SIRT3: variants seen among roughly 807,000 people sequenced by gnomAD.
SIRT3 encodes sirtuin 3.
SIRT3 carries 26 observed loss-of-function variants against 33.5 expected under a neutral mutation model. That is an observed-to-expected ratio of 0.78 (90% CI 0.57 to 1.08). The LOEUF (loss-of-function observed/expected upper bound fraction) is 1.08, where lower values mean the gene tolerates loss of function less well. SIRT3 is among the 50% of genes least tolerant of loss of function. SIRT3 has a pLI of 0.00. For missense variants in SIRT3, 585 were observed against 530.1 expected (o/e 1.10, Z -1.02); for synonymous variants, 237 against 222.1 (o/e 1.07, Z -0.60).
intron 5 of SIRT3, among the ~76,000 whole-genome samples, chr11:220,265 G>A (rs1278127545): frequency 4.0e-5 from 6 of 148,896 alleles, no homozygotes; most frequent in African/African-American, 1.2e-4. Context: ...GGGAGGTGGA[G>A]GTTGCAGTGA....
chr11:226,900 T>G (rs1444723045), intron 4 of SIRT3, among the ~76,000 whole-genome samples: 1 of 150,930 alleles, frequency 6.6e-6, no homozygotes, highest in African/African-American at 2.4e-5. Context: ...ATTATAGGCA[T>G]GCACCATCAC....
chr11:227,920 T>G (rs1397280379), intron 4 of SIRT3, among the ~76,000 whole-genome samples: 1 of 152,076 alleles, frequency 6.6e-6, no homozygotes, highest in African/African-American at 2.4e-5. Flanking sequence ...CTGTGCCCAG[T>G]CCCAAATAAT....
chr11:232,628 C>A (rs1485844874), intron 3 of SIRT3, among the ~76,000 whole-genome samples: 1 of 151,898 alleles, frequency 6.6e-6, no homozygotes, highest in African/African-American at 2.4e-5. Flanking sequence ...TTTGTGTGTG[C>A]TCAAAAAAAT....
rs202141195 is a variant in SIRT3, at chr11:224,180, G to A, written c.867C>T (p.Pro289=). The change falls in exon 5 of 7, where the codon CCC becomes CCT. Residue 289 remains proline (P), a synonymous_variant. Coordinates refer to ENST00000382743, the MANE Select transcript of SIRT3 (RefSeq NM_012239.6). ...RCPVCTGVVK[P]DIVFFGEPLP... ...GCGGCTCCCCAAAGAACACAATGTCGGGCTTCACAACGCCGGTGCAGACCG... is the reference window on the plus strand; with the variant it reads ...GCGGCTCCCCAAAGAACACAATGTCAGGCTTCACAACGCCGGTGCAGACCG... 28 of 1,614,064 alleles carry A rather than the reference G, an allele frequency of 1.7e-5. No individual in the cohort carries two copies. Among genetic ancestry groups the A allele is most frequent in the Admixed American group, 3.3e-5 (2 of 60,008 alleles).
At chr11:233,584 A>G (rs200028460) in intron 1 of SIRT3, 50 bp from the exon 2 acceptor site, 48 of 1,581,060 alleles carry the variant, frequency 3.0e-5, no homozygotes, top group Non-Finnish European at 5.2e-6. Context: ...AACCAATCTC[A>G]GGATAGCAAG....
chr11:227,916 C>T (rs1029553435), intron 4 of SIRT3, among the ~76,000 whole-genome samples: 3 of 152,186 alleles, frequency 2.0e-5, no homozygotes, highest in Admixed American at 6.5e-5. Flanking sequence ...GCCACTGTGC[C>T]CAGTCCCAAA....
intron 6 of SIRT3, 142 bp downstream of exon 6, chr11:218,689 CA>C: frequency 6.9e-7 from 1 of 1,443,392 alleles, no homozygotes; most frequent in Non-Finnish European, 9.3e-7. Context: ...CAGTCAGGTC[CA>C]GGTAGTGCCT....
At chr11:217,009 G>T (rs1482457534) in intron 6 of SIRT3, among the ~76,000 whole-genome samples, 1 of 152,170 alleles carries the variant, frequency 6.6e-6, no homozygotes, top group African/African-American at 2.4e-5. Context: ...TAACCCCTTG[G>T]ATAGTAATGC....
At position 232,072 on chromosome 11, in the gene SIRT3, C is replaced by T. The variant is rs955352256; in HGVS notation, c.706+911G>A. Among the ~76,000 whole-genome samples the T allele has an allele frequency of 5.3e-5, 8 of 152,058 alleles. No homozygotes were observed. In the East Asian group the frequency reaches 1.5e-3, roughly 29 times the overall value. On this transcript the variant is annotated intron_variant, in intron 3 of 6. Transcript: ENST00000382743. ...TATTAAGGAATTACTAGTGATTCTT[C>T]AGTGTGAATCACTATCAGAGTTGTT...
At position 218,897 on chromosome 11, in the gene SIRT3, T is replaced by G; in HGVS notation, c.1114A>C (p.Ser372Arg). ...GTCCAGCCCAGAAGCTCCACTAGGC[T>G]TTCCACGCCGTGAACCACGTCCCCC... ...QLGDVVHGVE[S>R]LVELLGWTEE... Residue 372 changes from serine (S) to arginine (R), a missense_variant, in exon 6 of 7, where the codon AGC becomes CGC. By Grantham distance (110) the Ser-to-Arg change is moderately radical. Coordinates refer to ENST00000382743, the MANE Select transcript of SIRT3 (RefSeq NM_012239.6). 1 of 1,614,156 alleles carries G rather than the reference T, an allele frequency of 6.2e-7. No individual in the cohort carries two copies. Among genetic ancestry groups the G allele is most frequent in the Non-Finnish European group, 8.5e-7 (1 of 1,180,030 alleles).
rs1406415646 is a variant in SIRT3, at chr11:236,284, C to A, written c.45G>T (p.Trp15Cys). The A allele has an allele frequency of 5.9e-6, 9 of 1,536,830 alleles. No individual in the cohort carries two copies. The highest frequency in any genetic ancestry group is 7.0e-6 in the Non-Finnish European group (8 of 1,147,820). ...CCTCGACCCGTTCAACTACCCGGCC[C>A]CACAGCCGGAGGGCTGCCGCGGCGC... ...GWRAAAALRL[W>C]GRVVERVEAG... Residue 15 changes from tryptophan to cysteine, a missense_variant, in exon 1 of 7, where the codon TGG (tryptophan) becomes TGT (cysteine). Trp to Cys is a radical substitution (Grantham distance 215). Transcript: ENST00000382743.
intron 5 of SIRT3, among the ~76,000 whole-genome samples, chr11:219,747 C>A (rs1856170895): frequency 6.6e-6 from 1 of 152,012 alleles, no homozygotes; most frequent in Non-Finnish European, 1.5e-5. Context: ...CAAAACAGTT[C>A]TTGAAGAAAA....
chr11:219,186 A>C, intron 5 of SIRT3, 145 bp from the exon 6 acceptor site: 600 of 1,047,200 alleles, frequency 5.7e-4, no homozygotes, highest in Non-Finnish European at 7.4e-4. Flanking sequence ...CACCAATCTC[A>C]TTTCTTCAGC....
chr11:216,990 T>C (rs1445068017), intron 6 of SIRT3, among the ~76,000 whole-genome samples: 1 of 152,222 alleles, frequency 6.6e-6, no homozygotes, highest in Non-Finnish European at 1.5e-5. Flanking sequence ...CATTCACTAT[T>C]TGGAAAAGTA....
chr11:232,718 C>T (rs183795820), intron 3 of SIRT3, among the ~76,000 whole-genome samples: 12 of 152,214 alleles, frequency 7.9e-5, no homozygotes, highest in Non-Finnish European at 1.6e-4. Context: ...AACTTCTGCC[C>T]AAAATACACA....
chr11:229,192 G>T (rs138696216), intron 4 of SIRT3, among the ~76,000 whole-genome samples: 13 of 149,432 alleles, frequency 8.7e-5, no homozygotes, highest in Middle Eastern at 3.5e-3. Context: ...AGTGGCTCTC[G>T]CCTGTAATCC....
At position 233,363 on chromosome 11, in the gene SIRT3, G is replaced by C; in HGVS notation, c.453C>G (p.Pro151=). 1 of 1,613,894 alleles carries C rather than the reference G, an allele frequency of 6.2e-7. No individual in the cohort carries two copies. The highest frequency in any genetic ancestry group is 1.1e-5 in the South Asian group (1 of 91,056). ...AGTACCTGAAGTCTGGAATGCCACT[G>C]GGTGTGCTGATGCCGGCCCCCACCA... ...VVMVGAGIST[P]SGIPDFRSPG... Residue 151 remains proline (P), a synonymous_variant, in exon 2 of 7, where the codon CCC becomes CCG. Transcript: ENST00000382743.
intron 4 of SIRT3, among the ~76,000 whole-genome samples, chr11:230,096 C>G (rs990046595): frequency 2.6e-5 from 4 of 151,946 alleles, no homozygotes; most frequent in African/African-American, 7.3e-5. Context: ...GCCTGTAATC[C>G]CAGCTACTTA....
At chr11:227,107 T>A (rs1277931090) in intron 4 of SIRT3, among the ~76,000 whole-genome samples, 2 of 151,772 alleles carry the variant, frequency 1.3e-5, no homozygotes, top group Non-Finnish European at 2.9e-5. Context: ...AAAACCACAG[T>A]GGAGAAACCG....
Sources: gnomAD v4.1 joint callset for allele counts (sites outside exome capture counted in the v4.1 genomes callset) on GRCh38, gnomAD v4.1.1 for gene constraint, MANE v1.5 for transcripts, NCBI Gene and HGNC (gene_info 2026-07-23, HGNC 2026-07-21) for gene names.